ST6GALNAC5: variants seen among roughly 807,000 people sequenced by gnomAD.
ST6GALNAC5 encodes alpha-N-acetylgalactosaminide alpha-2,6-sialyltransferase 5.
ST6GALNAC5 carries 27 observed loss-of-function variants against 33.6 expected under a neutral mutation model. That is an observed-to-expected ratio of 0.80 (90% CI 0.59 to 1.11). The LOEUF (loss-of-function observed/expected upper bound fraction) is 1.11, where lower values mean the gene tolerates loss of function less well. Ranked by LOEUF, ST6GALNAC5 falls within the 50% of genes least tolerant of loss-of-function variation. The pLI, the probability that ST6GALNAC5 is intolerant of heterozygous loss-of-function variation, is 0.00. For missense variants in ST6GALNAC5, 428 were observed against 454.0 expected (o/e 0.94, Z 0.52); for synonymous variants, 194 against 171.2 (o/e 1.13, Z -1.04).
At chr1:76,885,570 G>C (rs915374885) in intron 2 of ST6GALNAC5, among the ~76,000 whole-genome samples, 2 of 152,176 alleles carry the variant, frequency 1.3e-5, no homozygotes, top group Non-Finnish European at 2.9e-5. Flanking sequence ...GGATGGCTTT[G>C]CTGTTAGATC....
chr1:77,055,242 C>A (rs180741370), intron 4 of ST6GALNAC5, among the ~76,000 whole-genome samples: 1 of 152,256 alleles, frequency 6.6e-6, no homozygotes, highest in African/African-American at 2.4e-5. Flanking sequence ...TCTACTGATG[C>A]ATTTATGTGT....
intron 2 of ST6GALNAC5, among the ~76,000 whole-genome samples, chr1:76,916,702 A>T (rs546899986): frequency 6.0e-5 from 9 of 150,850 alleles, no homozygotes; most frequent in East Asian, 1.9e-4. Flanking sequence ...TAAGCCTTTT[A>T]AAAAAAAACG....
intron 3 of ST6GALNAC5, among the ~76,000 whole-genome samples, chr1:77,047,901 T>C (rs1052335968): frequency 1.3e-5 from 2 of 152,206 alleles, no homozygotes; most frequent in East Asian, 3.9e-4. Flanking sequence ...TGACAGCTCT[T>C]CATATTCTTT....
intron 2 of ST6GALNAC5, among the ~76,000 whole-genome samples, chr1:76,897,621 T>G (rs1646761664): frequency 6.7e-6 from 1 of 149,894 alleles, no homozygotes; most frequent in South Asian, 2.1e-4. Flanking sequence ...TGGGTTAAGG[T>G]GGGGGGATAC....
At chr1:77,022,372 C>T (rs765805176) in intron 2 of ST6GALNAC5, among the ~76,000 whole-genome samples, 9 of 152,118 alleles carry the variant, frequency 5.9e-5, no homozygotes, top group Non-Finnish European at 1.3e-4. Flanking sequence ...TTTAATTTCT[C>T]ATTTGAAGTT....
intron 2 of ST6GALNAC5, among the ~76,000 whole-genome samples, chr1:77,007,386 G>C (rs980837047): frequency 6.6e-6 from 1 of 152,154 alleles, no homozygotes; most frequent in African/African-American, 2.4e-5. Context: ...TACTTATTGT[G>C]AATCTACTCA....
intron 2 of ST6GALNAC5, among the ~76,000 whole-genome samples, chr1:76,969,117 A>G (rs544117160): frequency 6.6e-6 from 1 of 152,214 alleles, no homozygotes; most frequent in East Asian, 1.9e-4. Flanking sequence ...CAGAACACGC[A>G]TGATTACTGC....
chr1:76,903,192 T>C (rs1440661482), intron 2 of ST6GALNAC5, among the ~76,000 whole-genome samples: 1 of 152,042 alleles, frequency 6.6e-6, no homozygotes, highest in Non-Finnish European at 1.5e-5. Context: ...AACTCAATAA[T>C]AAAACAAATT....
intron 2 of ST6GALNAC5, among the ~76,000 whole-genome samples, chr1:77,030,404 T>G (rs943767161): frequency 6.6e-6 from 1 of 152,216 alleles, no homozygotes; most frequent in Non-Finnish European, 1.5e-5. Context: ...CTCACAGGCT[T>G]ACATTGGGGT....
intron 2 of ST6GALNAC5, among the ~76,000 whole-genome samples, chr1:76,951,682 G>C (rs1647751885): frequency 6.6e-6 from 1 of 151,858 alleles, no homozygotes; most frequent in Non-Finnish European, 1.5e-5. Flanking sequence ...TATTTAAAAA[G>C]GTGTGTGTTT....
chr1:76,894,318 G>A (rs992749716), intron 2 of ST6GALNAC5, among the ~76,000 whole-genome samples: 1 of 152,134 alleles, frequency 6.6e-6, no homozygotes, highest in African/African-American at 2.4e-5. Context: ...AGATAGGCCT[G>A]TTGCAGTGTA....
At chr1:76,880,673 A>G (rs1653759264) in intron 2 of ST6GALNAC5, among the ~76,000 whole-genome samples, 1 of 152,188 alleles carries the variant, frequency 6.6e-6, no homozygotes, top group African/African-American at 2.4e-5. Context: ...GAAGCTGATT[A>G]GATTGTGCCC....
At chr1:77,058,841 T>C (rs1652482847) in intron 4 of ST6GALNAC5, among the ~76,000 whole-genome samples, 1 of 152,106 alleles carries the variant, frequency 6.6e-6, no homozygotes. Flanking sequence ...CAGTGGACTG[T>C]CTCCCTGGGT....
chr1:77,005,887 C>G (rs1177295290), intron 2 of ST6GALNAC5, among the ~76,000 whole-genome samples: 2 of 152,188 alleles, frequency 1.3e-5, no homozygotes, highest in Non-Finnish European at 2.9e-5. Flanking sequence ...ATTTCATTCC[C>G]TTTCAAGGCT....
At chr1:76,950,367 T>C (rs1647694665) in intron 2 of ST6GALNAC5, among the ~76,000 whole-genome samples, 1 of 152,148 alleles carries the variant, frequency 6.6e-6, no homozygotes, top group Non-Finnish European at 1.5e-5. Context: ...GTATTATATG[T>C]AATATATATT....
chr1:77,052,021 C>G (rs1056945900), intron 4 of ST6GALNAC5, among the ~76,000 whole-genome samples: 2 of 152,146 alleles, frequency 1.3e-5, no homozygotes, highest in Non-Finnish European at 2.9e-5. Context: ...ACTTCATGTA[C>G]GGTAGGATCG....
intron 2 of ST6GALNAC5, among the ~76,000 whole-genome samples, chr1:76,902,850 G>A (rs2100267779): frequency 6.6e-6 from 1 of 151,974 alleles, no homozygotes; most frequent in East Asian, 1.9e-4. Flanking sequence ...AATGAAATTG[G>A]GCCCTTACCT....
At chr1:77,039,517 G>A (rs1651765599) in intron 2 of ST6GALNAC5, among the ~76,000 whole-genome samples, 1 of 152,202 alleles carries the variant, frequency 6.6e-6, no homozygotes, top group African/African-American at 2.4e-5. Flanking sequence ...CCAAATAATT[G>A]GTTATGGCAT....
intron 2 of ST6GALNAC5, among the ~76,000 whole-genome samples, chr1:76,982,957 A>G (rs1649318735): frequency 6.6e-6 from 1 of 152,054 alleles, no homozygotes; most frequent in Non-Finnish European, 1.5e-5. Context: ...AGGCAAGCAA[A>G]TGCTGAGAGA....
Sources: gnomAD v4.1 joint callset for allele counts (sites outside exome capture counted in the v4.1 genomes callset) on GRCh38, gnomAD v4.1.1 for gene constraint, MANE v1.5 for transcripts, NCBI Gene and HGNC (gene_info 2026-07-23, HGNC 2026-07-21) for gene names.